The following SLF2 variants were observed in gnomAD, a reference collection of about 807,000 sequenced individuals.
SLF2 encodes the protein SMC5-SMC6 complex localization factor protein 2.
SLF2 carries 68 observed loss-of-function variants against 124.3 expected under a neutral mutation model. That is an observed-to-expected ratio of 0.55 (90% CI 0.45 to 0.67). The LOEUF (loss-of-function observed/expected upper bound fraction) is 0.67, where lower values mean the gene tolerates loss of function less well. Among genes scored for constraint, SLF2 ranks in the 30% least tolerant of loss-of-function variants. The probability of loss-of-function intolerance (pLI) is 0.00; values close to 1 mark genes in which losing one functional copy is unlikely to be tolerated. For synonymous variants in SLF2, 480 were observed against 478.8 expected (o/e 1.00, Z -0.03); for missense variants, 1,246 against 1,373.7 (o/e 0.91, Z 1.47).
At chr10:100,945,208 C>T (rs1244831492) in intron 12 of SLF2, 122 bp from the exon 13 acceptor site, 5 of 738,408 alleles carry the variant, frequency 6.8e-6, no homozygotes, top group South Asian at 4.3e-5. Context: ...CTCTAGACAT[C>T]GGATGTTTGT....
chr10:100,937,407 G>A lies in SLF2; in HGVS notation c.2442G>A (p.Met814Ile), dbSNP rs1012080510. Residue 814 changes from methionine (M) to isoleucine (I), a missense_variant, in exon 10 of 20, where the codon ATG becomes ATA. By Grantham distance (10) the Met-to-Ile change is conservative. Around this residue, in one of 3 missense-constraint regions of SLF2, gnomAD observed 535 missense variants for 632.8 expected, o/e 0.85. Transcript: ENST00000238961. ...CATTTCTCTGCTTTTGACAGATGATGTCAGTTCATACAGACTGTATTGTGT... is the reference window on the plus strand; with the variant it reads ...CATTTCTCTGCTTTTGACAGATGATATCAGTTCATACAGACTGTATTGTGT... Reference protein sequence around the residue: ...VPVLKWLFRMMSVHTDCIVSV... With the variant: ...VPVLKWLFRMISVHTDCIVSV... 2 of 1,606,454 alleles carry A rather than the reference G, an allele frequency of 1.2e-6. No homozygotes were observed. The highest frequency in any genetic ancestry group is 1.7e-6 in the Non-Finnish European group (2 of 1,173,568).
rs750494133 is a variant in SLF2, at chr10:100,924,734, CAGA to C, written c.1736_1738del (p.Glu579del). ...GCAGCACCTTCAGATAAAGCCCCTT[CAGA>C]AGGAGAGAGTTCAGGAAATTCCAAT... On this transcript the variant is annotated inframe_deletion, in exon 5 of 20. Transcript: ENST00000238961. 3.1e-6 allele frequency: 5 copies of C among 1,614,152 alleles called. No individual in the cohort carries two copies. The Admixed American group carries it at 6.7e-5, about 22-fold the overall frequency.
At chr10:100,918,353 CTT>C (rs1564769722) in intron 3 of SLF2, 29 bp from the exon 4 acceptor site, 1 of 1,452,626 alleles carries the variant, frequency 6.9e-7, no homozygotes, top group Non-Finnish European at 9.5e-7. Context: ...GTCCCCAACA[CTT>C]AATTAATTTT....
chr10:100,913,940 A>G, intron 1 of SLF2: 3 of 922,664 alleles, frequency 3.3e-6, no homozygotes, highest in Non-Finnish European at 3.9e-6. Context: ...TTTTAACAAT[A>G]TTCATGTTAC....
At chr10:100,928,104 A>AGAGAGAGAGAGAGAG (rs1564774149) in intron 6 of SLF2, among the ~76,000 whole-genome samples, 2 of 139,084 alleles carry the variant, frequency 1.4e-5, no homozygotes, top group African/African-American at 5.3e-5. Flanking sequence ...AGAGAGAGAG[A>AGAGAGAGAGAGAGAG]AAAGTTGAGG....
At chr10:100,921,978 T>A (rs1849530578) in intron 4 of SLF2, among the ~76,000 whole-genome samples, 1 of 152,264 alleles carries the variant, frequency 6.6e-6, no homozygotes, top group African/African-American at 2.4e-5. Flanking sequence ...GGGCATTTGT[T>A]AATTAGTTAA....
chr10:100,948,166 C>G (rs1042379856), intron 15 of SLF2, among the ~76,000 whole-genome samples: 3 of 152,176 alleles, frequency 2.0e-5, no homozygotes, highest in Non-Finnish European at 2.9e-5. Context: ...TCAGCTTTTC[C>G]AAGTTAGCAA....
At chr10:100,932,729 G>GCA (rs1849768029) in intron 9 of SLF2, among the ~76,000 whole-genome samples, 3 of 150,044 alleles carry the variant, frequency 2.0e-5, no homozygotes, top group Non-Finnish European at 4.4e-5. Flanking sequence ...GTGCGCGCGC[G>GCA]CGCGCGCGCA....
intron 18 of SLF2, among the ~76,000 whole-genome samples, chr10:100,956,897 C>T (rs1850341322): frequency 6.6e-6 from 1 of 152,034 alleles, no homozygotes; most frequent in South Asian, 2.1e-4. Context: ...GGCACTCCAG[C>T]CTGGGAGATA....
rs563262594 is a variant in SLF2 at position 100,922,524 on chromosome 10, A to C, written c.974-1451A>C. Among the ~76,000 whole-genome samples, 39 of 152,202 alleles carry C rather than the reference A, an allele frequency of 2.6e-4. No homozygotes were observed. In the South Asian group the frequency reaches 2.7e-3, roughly 11 times the overall value. On this transcript the variant is annotated intron_variant, in intron 4 of 19. Transcript: ENST00000238961. ...CCAGCCATTTTAGGTTTTTAAAGCA[A>C]CTCTTGGGGAATGGAGACATCTGTC...
chr10:100,928,654 ACT>A (rs1294414998), intron 6 of SLF2, among the ~76,000 whole-genome samples: 2 of 151,926 alleles, frequency 1.3e-5, no homozygotes, highest in Non-Finnish European at 2.9e-5. Context: ...CTAGAGCTAG[ACT>A]CTCTCGCTAT....
intron 13 of SLF2, among the ~76,000 whole-genome samples, chr10:100,946,447 C>G (rs1850105047): frequency 6.6e-6 from 1 of 151,864 alleles, no homozygotes; most frequent in Non-Finnish European, 1.5e-5. Flanking sequence ...ATTCCTCAAC[C>G]TCCCGAGTAG....
At position 100,924,415 on chromosome 10, in the gene SLF2, A is replaced by G. The variant is rs767797863; in HGVS notation, c.1414A>G (p.Lys472Glu). 6.2e-7 allele frequency: 1 copy of G among 1,614,192 alleles called. No homozygotes were observed. Among genetic ancestry groups the G allele is most frequent in the South Asian group, 1.1e-5 (1 of 91,080 alleles). ...CTCCACGACAAAGGAGAAGGAGACA[A>G]AACTACCTTTACTTTCCCGTGTTCC... Reference protein sequence around the residue: ...ASSTTKEKETKLPLLSRVPSA... With the variant: ...ASSTTKEKETELPLLSRVPSA... Residue 472 changes from lysine (K) to glutamate (E), a missense_variant, in exon 5 of 20, where the codon AAA (lysine) becomes GAA (glutamate). Lys to Glu is a moderately conservative substitution (Grantham distance 56). Around this residue, in one of 3 missense-constraint regions of SLF2, gnomAD observed 698 missense variants for 708.9 expected, o/e 0.98. Coordinates refer to ENST00000238961, the MANE Select transcript of SLF2 (RefSeq NM_018121.4).
At position 100,961,882 on chromosome 10, in the gene SLF2, G is replaced by A; in HGVS notation, c.3492G>A (p.Gln1164=). 6.2e-7 allele frequency: 1 copy of A among 1,607,378 alleles called. No individual in the cohort carries two copies. The highest frequency in any genetic ancestry group is 1.1e-5 in the South Asian group (1 of 90,236). The stretch of plus-strand genomic sequence containing the variant: ...TTTCTCCTTCCCTTTTTTAGGGGCA[G>A]CTTCATGACTTCTGGGTACCAGATT... The part of the protein sequence containing the change: ...IIQNCRPTQG[Q]LHDFWVPDS Residue 1164 remains glutamine (Q), a synonymous_variant, in exon 20 of 20, where the codon CAG becomes CAA. Coordinates refer to ENST00000238961, the MANE Select transcript of SLF2 (RefSeq NM_018121.4).
chr10:100,919,486 G>A (rs1186728153), intron 4 of SLF2, among the ~76,000 whole-genome samples: 1 of 150,648 alleles, frequency 6.6e-6, no homozygotes, highest in Non-Finnish European at 1.5e-5. Flanking sequence ...CATGACATTA[G>A]TTTGTACTTT....
chr10:100,953,048 C>T (rs1564784771), intron 17 of SLF2, among the ~76,000 whole-genome samples: 1 of 151,760 alleles, frequency 6.6e-6, no homozygotes, highest in Non-Finnish European at 1.5e-5. Context: ...CGGAGTCTTG[C>T]TCTGTCACCC....
chr10:100,960,477 T>C (rs1428269140), intron 19 of SLF2, among the ~76,000 whole-genome samples: 8 of 152,228 alleles, frequency 5.3e-5, no homozygotes, highest in Non-Finnish European at 8.8e-5. Flanking sequence ...TAGAATCTCA[T>C]TGTGGTTTTA....
intron 17 of SLF2, among the ~76,000 whole-genome samples, chr10:100,955,940 A>C (rs1478025440): frequency 4.0e-5 from 6 of 151,302 alleles, no homozygotes; most frequent in Non-Finnish European, 8.8e-5. Context: ...ACGGTGGTGC[A>C]TGCCTGTAAT....
intron 14 of SLF2, among the ~76,000 whole-genome samples, 162 bp from the exon 15 acceptor site, chr10:100,947,598 A>G (rs1045661419): frequency 6.6e-6 from 1 of 152,172 alleles, no homozygotes; most frequent in Admixed American, 6.5e-5. Context: ...TTTACATGAA[A>G]ATTTTACTGT....
Sources: allele counts gnomAD v4.1 joint callset (sites outside exome capture counted in the v4.1 genomes callset), GRCh38; gene constraint gnomAD v4.1.1; regional missense constraint gnomAD v4.1.1; transcripts MANE v1.5; gene names NCBI Gene and HGNC (gene_info 2026-07-23, HGNC 2026-07-21).